MLF2: variants seen among roughly 807,000 people sequenced by gnomAD.
The protein encoded by MLF2 is myeloid leukemia factor 2.
In MLF2, 12 loss-of-function variants were observed where a neutral mutation model predicts 31.4. That is an observed-to-expected ratio of 0.38 (90% CI 0.24 to 0.62). The LOEUF (loss-of-function observed/expected upper bound fraction) is 0.62. MLF2 is among the 20% of genes least tolerant of loss of function. The pLI is 0.58. For synonymous variants in MLF2, 109 were observed against 118.8 expected, an observed-to-expected ratio of 0.92 and a Z score of 0.54; for missense variants, 272 against 359.7, an observed-to-expected ratio of 0.76 and a Z score of 1.97.
In MLF2 at chr12:6,752,350, A is replaced by AG; in HGVS notation, c.-17dup. 1 of 1,556,454 alleles carries AG rather than the reference A, an allele frequency of 6.4e-7. No individual in the cohort carries two copies. Among genetic ancestry groups the AG allele is most frequent in the Non-Finnish European group, 8.7e-7 (1 of 1,149,344 alleles). ...AGCGGAACATCCTGATCTCAGCTCC[A>AG]GGGGGCTCCACACTGGAAAGATATG... On this transcript the variant is annotated 5_prime_UTR_variant, in exon 2 of 9. Transcript: ENST00000203630. The surrounding 1 kb of genome is among the most constrained non-coding windows in gnomAD (Gnocchi z 4.6).
Position 6,750,460 on chromosome 12 carries a change from TC to T in MLF2, c.271-156del. ...CCTCATCATTACCCTCCCAAATTCC[TC>T]TGAGTCCAACCACGAGCAAGAAGGA... On this transcript the variant is annotated intron_variant, in intron 5 of 8. Coordinates refer to ENST00000203630, the MANE Select transcript of MLF2 (RefSeq NM_001382226.1). This position sits in a 1 kb window ranked among gnomAD's most constrained non-coding sequence, Gnocchi z 5.3. 9.1e-7 allele frequency: 1 copy of T among 1,095,166 alleles called. No homozygotes were observed. 67.8% of individuals were successfully genotyped at this position (1,095,166 alleles called of 1,614,324 possible).
rs1223494755 is a variant in MLF2, at chr12:6,748,002, T to C, written c.*571A>G. On this transcript the variant is annotated 3_prime_UTR_variant, in exon 9 of 9. Transcript: ENST00000203630. The surrounding 1 kb of genome is among the most constrained non-coding windows in gnomAD (Gnocchi z 4.6). Reference sequence around the variant, plus strand: ...CAGCCAGAATCCCACTTGGTCTTTTTTCCATTCTCCTTTATTCCATAAACA... The same window carrying C: ...CAGCCAGAATCCCACTTGGTCTTTTCTCCATTCTCCTTTATTCCATAAACA... The C allele has an allele frequency of 6.6e-6, 1 of 152,256 alleles. No homozygotes were observed. Among genetic ancestry groups the C allele is most frequent in the Admixed American group, 6.5e-5 (1 of 15,288 alleles). The allele number at this position is 152,256 out of a possible 1,614,324, so 9.4% of individuals were successfully genotyped here.
chr12:6,750,101 G>A lies in MLF2; in HGVS notation c.399+76C>T, dbSNP rs562093532. ...AAACACACCACACACAACCCAATCC[G>A]GAAAAAAGCAGCCAGGGTTTCTGGC... On this transcript the variant is annotated intron_variant, in intron 6 of 8. Transcript: ENST00000203630. This position sits in a 1 kb window ranked among gnomAD's most constrained non-coding sequence, Gnocchi z 5.3. The A allele has an allele frequency of 8.7e-6, 14 of 1,611,706 alleles. No individual in the cohort carries two copies. The highest frequency in any genetic ancestry group is 1.7e-4 in the Middle Eastern group (1 of 6,048).
rs1161358439 is a variant in MLF2 at position 6,749,443 on chromosome 12, G to A, written c.559+405C>T. On this transcript the variant is annotated intron_variant, in intron 7 of 8. Coordinates refer to ENST00000203630, the MANE Select transcript of MLF2 (RefSeq NM_001382226.1). The surrounding 1 kb of genome is among the most constrained non-coding windows in gnomAD (Gnocchi z 5.3). ...TATGGGACTGACAGTTGGGTGCAGT[G>A]GCTCATGCCTGTAATCCCGGCACTT... is the stretch of plus-strand genomic sequence containing the variant. 1.3e-5 allele frequency among the ~76,000 whole-genome samples: 2 copies of A among 152,248 alleles called. No individual in the cohort carries two copies. The highest frequency in any genetic ancestry group is 2.9e-5 in the Non-Finnish European group (2 of 68,044).
Position 6,751,287 on chromosome 12 carries a change from G to A in MLF2, c.216+354C>T, listed in dbSNP as rs1021144445. 3.9e-5 allele frequency: 11 copies of A among 280,678 alleles called. 1 individual carries two copies. Among genetic ancestry groups the A allele is most frequent in the Non-Finnish European group, 6.7e-5 (10 of 148,458 alleles). 17.4% of individuals were successfully genotyped at this position (280,678 alleles called of 1,614,324 possible). A position where few individuals can be genotyped will look rare whatever the true frequency, so the allele number is the denominator to read the frequency against. ...GGCTGGAGGGCAGTGGCGCAGTCTC[G>A]GCTCACTGCAATCTCCACCTCCCGG... On this transcript the variant is annotated intron_variant, in intron 4 of 8. Coordinates refer to ENST00000203630, the MANE Select transcript of MLF2 (RefSeq NM_001382226.1).
chr12:6,752,189 C>A lies in MLF2; in HGVS notation c.50+96G>T. On this transcript the variant is annotated intron_variant, in intron 2 of 8. Coordinates refer to ENST00000203630, the MANE Select transcript of MLF2 (RefSeq NM_001382226.1). This position sits in a 1 kb window ranked among gnomAD's most constrained non-coding sequence, Gnocchi z 4.6. The stretch of plus-strand genomic sequence containing the variant: ...TGCTAGGTAGGAGCTAGGTATCCAG[C>A]CAGTTCCAACCATTCCTAGCAATGG... 2 of 1,535,980 alleles carry A rather than the reference C, an allele frequency of 1.3e-6. No individual in the cohort carries two copies. Among genetic ancestry groups the A allele is most frequent in the Non-Finnish European group, 8.8e-7 (1 of 1,130,124 alleles).
chr12:6,748,717 C>T lies in MLF2; in HGVS notation c.*25+53G>A. The stretch of plus-strand genomic sequence containing the variant: ...GGGAGCCTGAACTGAGCCTGCCTTG[C>T]AGCCGAGGACCGTCCGCAGGTGCAC... On this transcript the variant is annotated intron_variant, in intron 8 of 8. Coordinates refer to ENST00000203630, the MANE Select transcript of MLF2 (RefSeq NM_001382226.1). The surrounding 1 kb of genome is among the most constrained non-coding windows in gnomAD (Gnocchi z 4.6). 1 of 1,366,006 alleles carries T rather than the reference C, an allele frequency of 7.3e-7. No homozygotes were observed. The highest frequency in any genetic ancestry group is 9.7e-7 in the Non-Finnish European group (1 of 1,029,394). The allele number at this position is 1,366,006 out of a possible 1,614,324, so 84.6% of individuals were successfully genotyped here. A position where few individuals can be genotyped will look rare whatever the true frequency, so the allele number is the denominator to read the frequency against.
chr12:6,750,205 G>A lies in MLF2; in HGVS notation c.371C>T (p.Thr124Ile). Reference sequence around the variant, plus strand: ...GCCTGGTGCCGAGCGCATCTCTGATGTCTCTTGGTAGACCTTGGGGGCACC... The same window carrying A: ...GCCTGGTGCCGAGCGCATCTCTGATATCTCTTGGTAGACCTTGGGGGCACC... ...GDGAPKVYQE[T>I]SEMRSAPGGI... is the part of the protein sequence containing the mutation. The change falls in exon 6 of 9, where the codon ACA becomes ATA. Residue 124 changes from threonine to isoleucine, a missense_variant. Coordinates refer to ENST00000203630, the MANE Select transcript of MLF2 (RefSeq NM_001382226.1). This position sits in a 1 kb window ranked among gnomAD's most constrained non-coding sequence, Gnocchi z 5.3. The A allele has an allele frequency of 6.2e-7, 1 of 1,614,228 alleles. No homozygotes were observed. Among genetic ancestry groups the A allele is most frequent in the Non-Finnish European group, 8.5e-7 (1 of 1,180,042 alleles).
chr12:6,750,477 G>A lies in MLF2; in HGVS notation c.271-172C>T. On this transcript the variant is annotated intron_variant, in intron 5 of 8. Transcript: ENST00000203630. This position sits in a 1 kb window ranked among gnomAD's most constrained non-coding sequence, Gnocchi z 5.3. ...CAAATTCCTCTGAGTCCAACCACGA[G>A]CAAGAAGGACCTGAAGAGACAGGGC... is the stretch of plus-strand genomic sequence containing the variant. The A allele has an allele frequency of 1.0e-6, 1 of 972,778 alleles. No homozygotes were observed. The highest frequency in any genetic ancestry group is 1.5e-6 in the Non-Finnish European group (1 of 666,004). The allele number at this position is 972,778 out of a possible 1,614,324, so 60.3% of individuals were successfully genotyped here.
intron 4 of MLF2, 87 bp downstream of exon 4, chr12:6,751,554 A>G: frequency 6.9e-7 from 1 of 1,444,038 alleles, no homozygotes; most frequent in Non-Finnish European, 9.7e-7. Flanking sequence ...TACTCATGAA[A>G]CTATTCCTAA....
rs1473086220 is a variant in MLF2 at position 6,749,391 on chromosome 12, C to T, written c.560-409G>A. Among the ~76,000 whole-genome samples the T allele has an allele frequency of 1.3e-5, 2 of 152,222 alleles. No homozygotes were observed. The highest frequency in any genetic ancestry group is 2.4e-5 in the African/African-American group (1 of 41,462). On this transcript the variant is annotated intron_variant, in intron 7 of 8. Coordinates refer to ENST00000203630, the MANE Select transcript of MLF2 (RefSeq NM_001382226.1). This position sits in a 1 kb window ranked among gnomAD's most constrained non-coding sequence, Gnocchi z 5.3. Reference sequence around the variant, plus strand: ...CCGCCAGCACCTGACTCCGCCCGAGCGGAGGAGGCTCCAAGTGCGGTAAGA... The same window carrying T: ...CCGCCAGCACCTGACTCCGCCCGAGTGGAGGAGGCTCCAAGTGCGGTAAGA...
chr12:6,751,260 C>T (rs1367198514), intron 4 of MLF2: 15 of 255,676 alleles, frequency 5.9e-5, no homozygotes, highest in African/African-American at 3.2e-4. Flanking sequence ...CTCTGTTGCC[C>T]AGGCTGGAGG....
rs1236173438 is a variant in MLF2, at chr12:6,750,677, G to A, written c.270+36C>T. ...GCAAGGTGTTGTCAGCCATCACTGA[G>A]AGCAAGGCCGGGGAAGGGTATGGGG... On this transcript the variant is annotated intron_variant, in intron 5 of 8. Transcript: ENST00000203630. This position sits in a 1 kb window ranked among gnomAD's most constrained non-coding sequence, Gnocchi z 5.3. 2 of 1,605,142 alleles carry A rather than the reference G, an allele frequency of 1.2e-6. No homozygotes were observed. Among genetic ancestry groups the A allele is most frequent in the East Asian group, 2.2e-5 (1 of 44,852 alleles).
chr12:6,751,771 T>C (rs1016392631), intron 3 of MLF2, 95 bp from the exon 4 acceptor site: 1 of 1,569,912 alleles, frequency 6.4e-7, no homozygotes, highest in African/African-American at 1.4e-5. Flanking sequence ...TTCCATCCTC[T>C]CAAAAGGGAG....
At position 6,748,912 on chromosome 12, in the gene MLF2, C is replaced by T. The variant is rs1225307381; in HGVS notation, c.630G>A (p.Glu210=). 4.4e-6 allele frequency: 7 copies of T among 1,602,826 alleles called. No individual in the cohort carries two copies. Among genetic ancestry groups the T allele is most frequent in the Non-Finnish European group, 6.0e-6 (7 of 1,175,304 alleles). ...TSRFRQQRPL[E]FRRLESSGAG... ...CCCCTGAGGACTCAAGCCGCCGAAA[C>T]TCCAGGGGACGCTGCTGCCGGAATC... Residue 210 remains glutamate, a synonymous_variant, in exon 8 of 9, where the codon GAG becomes GAA. Transcript: ENST00000203630. The surrounding 1 kb of genome is among the most constrained non-coding windows in gnomAD (Gnocchi z 4.6).
chr12:6,748,628 C>A lies in MLF2; in HGVS notation c.*26-81G>T. ...AGAGCCAGGAGTTGGGGTTTAATCC[C>A]CTATGTCAGTGAGAACATTGTTCTC... is the stretch of plus-strand genomic sequence containing the variant. On this transcript the variant is annotated intron_variant, in intron 8 of 8. Coordinates refer to ENST00000203630, the MANE Select transcript of MLF2 (RefSeq NM_001382226.1). The surrounding 1 kb of genome is among the most constrained non-coding windows in gnomAD (Gnocchi z 4.6). 1 of 663,682 alleles carries A rather than the reference C, an allele frequency of 1.5e-6. No homozygotes were observed. Among genetic ancestry groups the A allele is most frequent in the African/African-American group, 1.9e-5 (1 of 52,436 alleles). The allele number at this position is 663,682 out of a possible 1,614,324, so 41.1% of individuals were successfully genotyped here.
In MLF2 at chr12:6,749,989, T is replaced by C; in HGVS notation, c.418A>G (p.Thr140Ala). The C allele has an allele frequency of 6.2e-7, 1 of 1,614,120 alleles. No individual in the cohort carries two copies. Reference sequence around the variant, plus strand: ...AGTCCACTGTCTGAATCCCGAACAGTCCTCCGTGTCTCCCGGATCTGGGAT... The same window carrying C: ...AGTCCACTGTCTGAATCCCGAACAGCCCTCCGTGTCTCCCGGATCTGGGAT... ...APGGIRETRR[T>A]VRDSDSGLEQ... The change falls in exon 7 of 9, where the codon ACT becomes GCT. Residue 140 changes from threonine to alanine, a missense_variant. Physicochemically the swap from Thr to Ala is moderately conservative, Grantham distance 58 (BLOSUM62 0). Coordinates refer to ENST00000203630, the MANE Select transcript of MLF2 (RefSeq NM_001382226.1). The surrounding 1 kb of genome is among the most constrained non-coding windows in gnomAD (Gnocchi z 5.3).
intron 3 of MLF2, 114 bp from the exon 4 acceptor site, chr12:6,751,790 C>T: frequency 1.3e-6 from 2 of 1,562,548 alleles, no homozygotes; most frequent in East Asian, 2.2e-5. Context: ...AGTCACAAAG[C>T]CCTTTTTCCT....
In MLF2 at chr12:6,750,973, G is replaced by T. The variant is rs1036433785; in HGVS notation, c.217-207C>A. On this transcript the variant is annotated intron_variant, in intron 4 of 8. Coordinates refer to ENST00000203630, the MANE Select transcript of MLF2 (RefSeq NM_001382226.1). This position sits in a 1 kb window ranked among gnomAD's most constrained non-coding sequence, Gnocchi z 5.3. ...ACTGCTGACCCCTTCCTCAGTCTCT[G>T]TGACTGCTGTGATCCAATTTTCCTT... 3.1e-5 allele frequency: 17 copies of T among 553,568 alleles called. No homozygotes were observed. The highest frequency in any genetic ancestry group is 3.6e-5 in the Non-Finnish European group (11 of 306,018). 34.3% of individuals were successfully genotyped at this position (553,568 alleles called of 1,614,324 possible). A position where few individuals can be genotyped will look rare whatever the true frequency, so the allele number is the denominator to read the frequency against.
Sources: allele counts gnomAD v4.1 joint callset (sites outside exome capture counted in the v4.1 genomes callset), GRCh38; gene constraint gnomAD v4.1.1; non-coding constraint Gnocchi (gnomAD v3.1); transcripts MANE v1.5; gene names NCBI Gene and HGNC (gene_info 2026-07-23, HGNC 2026-07-21).